ALK: variants seen among roughly 807,000 people sequenced by gnomAD.
ALK encodes ALK receptor tyrosine kinase, also known as ALK tyrosine kinase receptor.
A neutral mutation model predicts 163.1 loss-of-function variants in ALK; 74 were observed. The ratio of observed to expected loss-of-function variants is 0.45; its 90% CI spans 0.38 to 0.55. The LOEUF (loss-of-function observed/expected upper bound fraction) is 0.55, where lower values mean the gene tolerates loss of function less well. Among genes scored for constraint, ALK ranks in the 20% least tolerant of loss-of-function variants. ALK has a pLI of 0.00. For missense variants in ALK, 2,063 were observed against 2,105.3 expected, an observed-to-expected ratio of 0.98 and a Z score of 0.39; for synonymous variants, 960 against 843.2, an observed-to-expected ratio of 1.14 and a Z score of -2.40.
At chr2:29,527,262 G>C (rs1437385392) in intron 4 of ALK, among the ~76,000 whole-genome samples, 1 of 152,196 alleles carries the variant, frequency 6.6e-6, no homozygotes, top group Non-Finnish European at 1.5e-5. Context: ...TTCCTATTAG[G>C]ATTGCTACTG....
chr2:29,273,013 T>G (rs1374568109), intron 11 of ALK, among the ~76,000 whole-genome samples: 1 of 152,224 alleles, frequency 6.6e-6, no homozygotes, highest in Non-Finnish European at 1.5e-5. Flanking sequence ...TGAAATAACC[T>G]AGGCTATGGG....
At chr2:29,857,172 T>C (rs1666162440) in intron 1 of ALK, among the ~76,000 whole-genome samples, 1 of 152,198 alleles carries the variant, frequency 6.6e-6, no homozygotes, top group Non-Finnish European at 1.5e-5. Context: ...CAGGTGACAC[T>C]AAGTTTTTTT....
intron 1 of ALK, among the ~76,000 whole-genome samples, chr2:29,892,075 T>C (rs1419848502): frequency 6.6e-6 from 1 of 152,230 alleles, no homozygotes; most frequent in Non-Finnish European, 1.5e-5. Context: ...TCTTACCTAC[T>C]ACCTGCACCC....
chr2:29,796,184 TCC>T (rs1247066637), intron 1 of ALK, among the ~76,000 whole-genome samples: 1 of 152,178 alleles, frequency 6.6e-6, no homozygotes, highest in Non-Finnish European at 1.5e-5. Context: ...AGGGAAGAGC[TCC>T]TGGAACCATC....
chr2:29,638,261 T>C (rs1292616499), intron 3 of ALK, among the ~76,000 whole-genome samples: 1 of 152,212 alleles, frequency 6.6e-6, no homozygotes, highest in Non-Finnish European at 1.5e-5. Flanking sequence ...CACCAAGTTA[T>C]TGTGAAGTCT....
In ALK at chr2:29,511,430, A is replaced by C. The variant is rs146267680; in HGVS notation, c.1154+20485T>G. On this transcript the variant is annotated intron_variant, in intron 4 of 28. Coordinates refer to ENST00000389048, the MANE Select transcript of ALK (RefSeq NM_004304.5). ...GTGCCTGGCTTCTTTCTCTTAGCAT[A>C]ATAATTTTGAGATTCATCCATGTTA... Among the ~76,000 whole-genome samples, 492 of 152,308 alleles carry C rather than the reference A, an allele frequency of 3.2e-3. 5 individuals are homozygous for C. Among genetic ancestry groups the C allele is most frequent in the African/African-American group, 0.011 (471 of 41,568 alleles).
intron 5 of ALK, among the ~76,000 whole-genome samples, chr2:29,353,109 C>A (rs1668159491): frequency 6.6e-6 from 1 of 152,226 alleles, no homozygotes; most frequent in Admixed American, 6.5e-5. Context: ...AGATTCTGAA[C>A]CTCCTCAAAT....
intron 3 of ALK, among the ~76,000 whole-genome samples, chr2:29,614,649 G>A (rs753928938): frequency 3.9e-5 from 6 of 152,312 alleles, no homozygotes; most frequent in African/African-American, 1.4e-4. Context: ...ATCCTGTCAC[G>A]TCAATTTAGC....
At chr2:29,808,415 C>A (rs1213953722) in intron 1 of ALK, among the ~76,000 whole-genome samples, 1 of 152,194 alleles carries the variant, frequency 6.6e-6, no homozygotes, top group African/African-American at 2.4e-5. Flanking sequence ...TCAGTCCCTC[C>A]TTTTCAGGCC....
chr2:29,823,705 C>T (rs1483456887), intron 1 of ALK, among the ~76,000 whole-genome samples: 1 of 152,134 alleles, frequency 6.6e-6, no homozygotes, highest in Non-Finnish European at 1.5e-5. Context: ...AATTTCTAAG[C>T]AGCAAAACAT....
intron 5 of ALK, among the ~76,000 whole-genome samples, chr2:29,365,376 G>A (rs1163043073): frequency 6.6e-6 from 1 of 152,200 alleles, no homozygotes; most frequent in African/African-American, 2.4e-5. Flanking sequence ...AGGGCAGGGT[G>A]ATGGCCATCT....
intron 1 of ALK, among the ~76,000 whole-genome samples, chr2:29,845,091 C>T (rs1385475976): frequency 1.3e-5 from 2 of 152,208 alleles, no homozygotes; most frequent in Non-Finnish European, 2.9e-5. Context: ...TGTCTCCAGG[C>T]ACTCCCTTGT....
rs756564886 is a variant in ALK at position 29,605,005 on chromosome 2, G to A, written c.953-72889C>T. 6.6e-5 allele frequency among the ~76,000 whole-genome samples: 10 copies of A among 152,194 alleles called. 1 individual carries two copies. The highest frequency in any genetic ancestry group is 1.3e-4 in the Admixed American group (2 of 15,284). ...ATATTTAATGACAGTGGGGGCCAGC[G>A]CAATAGTAGGACACTATGTGAAAGC... On this transcript the variant is annotated intron_variant, in intron 3 of 28. Transcript: ENST00000389048.
In ALK at chr2:29,530,783, C is replaced by T. The variant is rs75161145; in HGVS notation, c.1154+1132G>A. On this transcript the variant is annotated intron_variant, in intron 4 of 28. Transcript: ENST00000389048. ...GATATCTGGTGAATAGAGCAAGAGTCCTTGGTAGCTGGGACCTTCTCAGCC... is the reference window on the plus strand; with the variant it reads ...GATATCTGGTGAATAGAGCAAGAGTTCTTGGTAGCTGGGACCTTCTCAGCC... 9.7e-3 allele frequency among the ~76,000 whole-genome samples: 1,480 copies of T among 152,240 alleles called. 23 individuals are homozygous for T. The highest frequency in any genetic ancestry group is 0.029 in the African/African-American group (1,216 of 41,528).
chr2:29,465,576 C>G (rs1482603560), intron 4 of ALK, among the ~76,000 whole-genome samples: 1 of 152,020 alleles, frequency 6.6e-6, no homozygotes, highest in Non-Finnish European at 1.5e-5. Context: ...TGCCTGTAAT[C>G]CCAGCTGCTC....
chr2:29,275,406 G>A lies in ALK; in HGVS notation c.1908C>T (p.Leu636=). The A allele has an allele frequency of 1.2e-6, 2 of 1,614,088 alleles. No individual in the cohort carries two copies. Among genetic ancestry groups the A allele is most frequent in the Non-Finnish European group, 1.7e-6 (2 of 1,179,972 alleles). The stretch of plus-strand genomic sequence containing the variant: ...CTGGGGTCAGAGTGAACTCACTGGT[G>A]AGGTAGCAGTCCAGGCTGATGGAGA... ...DNISISLDCY[L]TISGEDKILQ... is the part of the protein sequence containing the mutation. The change falls in exon 10 of 29, where the codon CTC becomes CTT. Residue 636 remains leucine (L), a synonymous_variant. Transcript: ENST00000389048.
At chr2:29,203,485 CTTTTTTTTT>C (rs1156462365) in intron 26 of ALK, among the ~76,000 whole-genome samples, 18 of 32,550 alleles carry the variant, frequency 5.5e-4, no homozygotes, top group Admixed American at 1.4e-3. Context: ...GAGGATGTGC[CTTTTTTTTT>C]TTTTTTTTTT....
intron 3 of ALK, among the ~76,000 whole-genome samples, chr2:29,659,944 C>G (rs1433050247): frequency 6.6e-6 from 1 of 152,088 alleles, no homozygotes; most frequent in Admixed American, 6.6e-5. Flanking sequence ...TTTACCTTAC[C>G]CTAATATGCC....
intron 8 of ALK, among the ~76,000 whole-genome samples, chr2:29,314,475 G>A (rs1482251783): frequency 1.3e-5 from 2 of 152,040 alleles, no homozygotes; most frequent in African/African-American, 2.4e-5. Flanking sequence ...GTGTGTGCAC[G>A]CATGTGTGTA....
Sources: gnomAD v4.1 joint callset for allele counts (sites outside exome capture counted in the v4.1 genomes callset) on GRCh38, gnomAD v4.1.1 for gene constraint, MANE v1.5 for transcripts, NCBI Gene and HGNC (gene_info 2026-07-23, HGNC 2026-07-21) for gene names.